RP1L1: variants seen among roughly 807,000 people sequenced by gnomAD.
RP1L1 encodes the protein RP1 like 1, also known as retinitis pigmentosa 1-like 1 protein.
RP1L1 carries 27 observed loss-of-function variants against 15.7 expected under a neutral mutation model. That is an observed-to-expected ratio of 1.72 (90% CI 1.27 to 2.38). The LOEUF (loss-of-function observed/expected upper bound fraction) is 2.38, where lower values mean the gene tolerates loss of function less well. RP1L1 is among the 30% of genes most tolerant of loss of function. RP1L1 has a pLI of 0.00. For synonymous variants in RP1L1, 1,813 were observed against 1,276.7 expected (o/e 1.42, Z -8.96); for missense variants, 4,798 against 3,075.9 (o/e 1.56, Z -13.24).
intron 2 of RP1L1, among the ~76,000 whole-genome samples, chr8:10,621,968 T>C (rs1475719431): frequency 6.6e-6 from 1 of 151,964 alleles, no homozygotes; most frequent in Non-Finnish European, 1.5e-5. Context: ...GTAACTTGAG[T>C]AGTTTGTTTC....
chr8:10,621,752 G>A (rs761103694), intron 2 of RP1L1: 2 of 509,206 alleles, frequency 3.9e-6, no homozygotes, highest in Non-Finnish European at 7.8e-6. Flanking sequence ...ACCTTTGGTG[G>A]AATTTCATGT....
At chr8:10,649,641 G>T (rs1295195817) in intron 1 of RP1L1, among the ~76,000 whole-genome samples, 5 of 152,206 alleles carry the variant, frequency 3.3e-5, no homozygotes, top group Non-Finnish European at 5.9e-5. Flanking sequence ...CACTTTGGGA[G>T]GCCAAGGCAG....
At chr8:10,625,060 C>T (rs1355380501) in intron 1 of RP1L1, among the ~76,000 whole-genome samples, 3 of 152,212 alleles carry the variant, frequency 2.0e-5, no homozygotes, top group Middle Eastern at 3.2e-3. Flanking sequence ...TCCAGACCGG[C>T]CTTCAGAAGC....
chr8:10,612,154 C>T lies in RP1L1; in HGVS notation c.1944G>A (p.Met648Ile), dbSNP rs1797873530. The T allele has an allele frequency of 3.1e-6, 5 of 1,613,402 alleles. No individual in the cohort carries two copies. Among genetic ancestry groups the T allele is most frequent in the Admixed American group, 1.7e-5 (1 of 60,012 alleles). ...CAAGGCCAGGGCTGCTGGGTGAGGACATTGCACTGGCCCGGCTTCTGTGCC... is the reference window on the plus strand; with the variant it reads ...CAAGGCCAGGGCTGCTGGGTGAGGATATTGCACTGGCCCGGCTTCTGTGCC... ...QRRHRSRASA[M>I]SSPSSPGLGR... The change falls in exon 4 of 4, where the codon ATG becomes ATA. Residue 648 changes from methionine to isoleucine, a missense_variant. Met to Ile is a conservative substitution (Grantham distance 10). Coordinates refer to ENST00000382483, the MANE Select transcript of RP1L1 (RefSeq NM_178857.6).
At chr8:10,628,709 T>C (rs1393668281) in intron 1 of RP1L1, among the ~76,000 whole-genome samples, 1 of 152,238 alleles carries the variant, frequency 6.6e-6, no homozygotes, top group Admixed American at 6.5e-5. Context: ...CCAATGATAG[T>C]TCCCGTTCTG....
chr8:10,622,335 C>CAAAAAAAAAAAAAAAAAAAA (rs34315849), intron 2 of RP1L1, among the ~76,000 whole-genome samples: 1 of 102,282 alleles, frequency 9.8e-6, no homozygotes, highest in African/African-American at 3.8e-5. Flanking sequence ...AAAACAAAGC[C>CAAAAAAAAAAAAAAAAAAAA]AAAAAAAAAA....
At position 10,608,392 on chromosome 8, in the gene RP1L1, C is replaced by T; in HGVS notation, c.5706G>A (p.Glu1902=). The change falls in exon 4 of 4, where the codon GAG becomes GAA. Residue 1902 remains glutamate, a synonymous_variant. Transcript: ENST00000382483. ...CCTCCGGGGCTTCTGCACCTTCTGACTCTGGCTGGACCTCCCATTCTGCCT... is the reference window on the plus strand; with the variant it reads ...CCTCCGGGGCTTCTGCACCTTCTGATTCTGGCTGGACCTCCCATTCTGCCT... The part of the protein sequence containing the change: ...TPEAEWEVQP[E]SEGAEAPEAE... 1 of 1,612,922 alleles carries T rather than the reference C, an allele frequency of 6.2e-7. No homozygotes were observed. The highest frequency in any genetic ancestry group is 1.7e-5 in the Admixed American group (1 of 59,872).
chr8:10,626,332 C>A (rs372075414), intron 1 of RP1L1, among the ~76,000 whole-genome samples: 5 of 152,302 alleles, frequency 3.3e-5, no homozygotes, highest in African/African-American at 9.6e-5. Context: ...AGGGACAGGG[C>A]TGCTGCGAGA....
Position 10,612,072 on chromosome 8 carries a change from T to A in RP1L1, c.2026A>T (p.Ser676Cys), listed in dbSNP as rs752248086. The change falls in exon 4 of 4, where the codon AGC becomes TGC. Residue 676 changes from serine to cysteine, a missense_variant. Transcript: ENST00000382483. ...TTGGTTACAGAGGAGTCCAGTGGGC[T>A]GTGGGTGTCCTTGCGGTAGTGAGAA... is the stretch of plus-strand genomic sequence containing the variant. ...RHSHYRKDTH[S>C]PLDSSVTKQV... The A allele has an allele frequency of 1.3e-5, 21 of 1,613,738 alleles. No homozygotes were observed. The East Asian group carries it at 4.7e-4, about 36-fold the overall frequency.
chr8:10,610,056 CTTCTCCTTCTGTTTCTTTAGTTT>C lies in RP1L1; in HGVS notation c.4019_4041del (p.Glu1340GlyfsTer13). 1 of 1,184,532 alleles carries C rather than the reference CTTCTCCTTCTGTTTCTTTAGTTT, an allele frequency of 8.4e-7. No homozygotes were observed. The highest frequency in any genetic ancestry group is 1.1e-6 in the Non-Finnish European group (1 of 919,316). The allele number at this position is 1,184,532 out of a possible 1,614,324, so 73.4% of individuals were successfully genotyped here. A position where few individuals can be genotyped will look rare whatever the true frequency, so the allele number is the denominator to read the frequency against. ...AACTGCGCCTCTTCTTCTTGCTGTC[CTTCTCCTTCTGTTTCTTTAGTTT>C]CCTCTAACTGCACCCCCTCTTCTTG... On this transcript the variant is annotated frameshift_variant, in exon 4 of 4. Transcript: ENST00000382483. LOFTEE classifies it low-confidence loss of function (END_TRUNC).
chr8:10,652,551 C>T (rs1798578328), intron 1 of RP1L1, among the ~76,000 whole-genome samples: 3 of 152,164 alleles, frequency 2.0e-5, no homozygotes. Flanking sequence ...GCTTCAATGA[C>T]TCGCCCAAGG....
At chr8:10,638,464 C>G (rs932661028) in intron 1 of RP1L1, among the ~76,000 whole-genome samples, 3 of 152,128 alleles carry the variant, frequency 2.0e-5, no homozygotes, top group African/African-American at 7.2e-5. Context: ...AAATTAGATA[C>G]AAATTTCTAC....
Position 10,647,443 on chromosome 8 carries a change from ACT to A in RP1L1, c.-20+7453_-20+7454del, listed in dbSNP as rs150672650. Among the ~76,000 whole-genome samples the A allele has an allele frequency of 9.2e-3, 1,394 of 151,254 alleles. 16 individuals are homozygous for A. Among genetic ancestry groups the A allele is most frequent in the South Asian group, 0.05 (238 of 4,772 alleles). ...ACCATCACCCCCATCTGTCTCCAAAACTCTATCATCCTGGGTTGAAGCCCTGG... is the reference window on the plus strand; with the variant it reads ...ACCATCACCCCCATCTGTCTCCAAAACTATCATCCTGGGTTGAAGCCCTGG... On this transcript the variant is annotated intron_variant, in intron 1 of 3. Coordinates refer to ENST00000382483, the MANE Select transcript of RP1L1 (RefSeq NM_178857.6).
At position 10,608,614 on chromosome 8, in the gene RP1L1, C is replaced by A; in HGVS notation, c.5484G>T (p.Gln1828His). ...CCTCTATGCCTTCGGCCCCATCACT[C>A]TGTCCTGGATCTTGGTCACCTCCTG... ...AAAGGDQDPG[Q>H]SDGAEGIEAP... is the part of the protein sequence containing the mutation. The change falls in exon 4 of 4, where the codon CAG becomes CAT. Residue 1828 changes from glutamine (Q) to histidine (H), a missense_variant. Physicochemically the swap from Gln to His is conservative, Grantham distance 24. Coordinates refer to ENST00000382483, the MANE Select transcript of RP1L1 (RefSeq NM_178857.6). 6.2e-7 allele frequency: 1 copy of A among 1,614,198 alleles called. No homozygotes were observed. Among genetic ancestry groups the A allele is most frequent in the Non-Finnish European group, 8.5e-7 (1 of 1,180,034 alleles).
At chr8:10,642,630 A>T (rs1486808454) in intron 1 of RP1L1, among the ~76,000 whole-genome samples, 1 of 152,248 alleles carries the variant, frequency 6.6e-6, no homozygotes, top group Non-Finnish European at 1.5e-5. Context: ...TCCATTAAAT[A>T]CAATCAAATC....
intron 1 of RP1L1, among the ~76,000 whole-genome samples, chr8:10,624,919 T>G (rs1227328969): frequency 6.6e-6 from 1 of 152,064 alleles, no homozygotes; most frequent in African/African-American, 2.4e-5. Flanking sequence ...AGCAAGCACC[T>G]CACCTTCAGT....
chr8:10,652,347 A>C (rs1316705811), intron 1 of RP1L1, among the ~76,000 whole-genome samples: 1 of 152,220 alleles, frequency 6.6e-6, no homozygotes, highest in Non-Finnish European at 1.5e-5. Flanking sequence ...GACAATATAG[A>C]TATCCATCCA....
At chr8:10,623,315 C>A (rs983411304) in intron 1 of RP1L1, 95 bp from the exon 2 acceptor site, 3 of 902,302 alleles carry the variant, frequency 3.3e-6, no homozygotes. Context: ...TCCTGCCCAC[C>A]CCAAATGTGC....
chr8:10,621,430 A>G (rs1477035738), intron 2 of RP1L1: 4 of 262,240 alleles, frequency 1.5e-5, no homozygotes, highest in African/African-American at 6.8e-5. Context: ...GGTTCCAGCA[A>G]TTCTCCTGCC....
Sources: gnomAD v4.1 joint callset for allele counts (sites outside exome capture counted in the v4.1 genomes callset) on GRCh38, gnomAD v4.1.1 for gene constraint, MANE v1.5 for transcripts, NCBI Gene and HGNC (gene_info 2026-07-23, HGNC 2026-07-21) for gene names.